PTPRT: variants seen among roughly 807,000 people sequenced by gnomAD.
PTPRT encodes the protein protein tyrosine phosphatase receptor type T.
Under a neutral mutation model 176.8 loss-of-function variants are expected in PTPRT, and 56 were observed. The observed-to-expected ratio is 0.32, with a 90% CI of 0.26 to 0.40. The LOEUF is 0.40. Ranked by LOEUF, PTPRT falls within the 10% of genes least tolerant of loss-of-function variation. PTPRT has a pLI of 1.00. For missense variants in PTPRT, 1,540 were observed against 1,908.2 expected (o/e 0.81, Z 3.60); for synonymous variants, 783 against 739.0 (o/e 1.06, Z -0.96).
the PTPRT span, among the ~76,000 whole-genome samples, chr20:42,042,315 G>A: frequency 1.3e-5 from 2 of 152,196 alleles, no homozygotes; most frequent in East Asian, 1.9e-4. Context: ...AGGCCCAAAC[G>A]ATGGTTTTAT....
chr20:43,086,572 A>G (rs974915127), intron 1 of PTPRT, among the ~76,000 whole-genome samples: 2 of 152,250 alleles, frequency 1.3e-5, no homozygotes, highest in Non-Finnish European at 2.9e-5. Flanking sequence ...GGAGTCATCC[A>G]AGCCACCAAG....
intron 1 of PTPRT, among the ~76,000 whole-genome samples, chr20:42,929,851 G>C (rs550119081): frequency 6.6e-6 from 1 of 152,346 alleles, no homozygotes; most frequent in East Asian, 1.9e-4. Flanking sequence ...AGGATTAGCA[G>C]TTGCCATGAC....
At chr20:42,137,815 T>C (rs1413754649) in intron 18 of PTPRT, among the ~76,000 whole-genome samples, 1 of 152,246 alleles carries the variant, frequency 6.6e-6, no homozygotes, top group Non-Finnish European at 1.5e-5. Flanking sequence ...GTGATTGTGC[T>C]GAAGGTAAAC....
At chr20:42,720,961 T>G (rs1009852204) in intron 6 of PTPRT, among the ~76,000 whole-genome samples, 3 of 152,332 alleles carry the variant, frequency 2.0e-5, no homozygotes, top group Non-Finnish European at 2.9e-5. Flanking sequence ...CCAGATGCTC[T>G]GAGCTCACAG....
chr20:42,813,201 G>T (rs752668580), intron 2 of PTPRT, among the ~76,000 whole-genome samples: 1 of 151,982 alleles, frequency 6.6e-6, no homozygotes, highest in Non-Finnish European at 1.5e-5. Flanking sequence ...TTAATCTCAT[G>T]CTGTCCATTT....
chr20:43,180,271 C>A (rs2015217552), intron 1 of PTPRT, among the ~76,000 whole-genome samples: 1 of 151,134 alleles, frequency 6.6e-6, no homozygotes, highest in South Asian at 2.1e-4. Context: ...TCCTGGGACT[C>A]CAGCTTGCAG....
intron 7 of PTPRT, among the ~76,000 whole-genome samples, chr20:42,589,865 C>G (rs1212533997): frequency 1.3e-5 from 2 of 152,114 alleles, no homozygotes; most frequent in Admixed American, 6.5e-5. Flanking sequence ...AGCACTGTGG[C>G]AGATTATATT....
At chr20:43,072,581 C>A (rs555221728) in intron 1 of PTPRT, among the ~76,000 whole-genome samples, 2 of 152,174 alleles carry the variant, frequency 1.3e-5, no homozygotes, top group Non-Finnish European at 2.9e-5. Context: ...TCATTTCCAA[C>A]CCAGTGCTAG....
At chr20:43,031,748 C>T (rs1478413358) in intron 1 of PTPRT, among the ~76,000 whole-genome samples, 1 of 152,162 alleles carries the variant, frequency 6.6e-6, no homozygotes, top group Admixed American at 6.5e-5. Flanking sequence ...AGGGGCCACA[C>T]CACAGGGAAG....
intron 6 of PTPRT, among the ~76,000 whole-genome samples, chr20:42,703,668 T>C (rs1341127611): frequency 1.3e-5 from 2 of 152,178 alleles, no homozygotes; most frequent in Non-Finnish European, 2.9e-5. Flanking sequence ...TTCCATTTAC[T>C]ACACAGAAAA....
intron 8 of PTPRT, among the ~76,000 whole-genome samples, chr20:42,452,040 G>A (rs1470030786): frequency 6.6e-6 from 1 of 152,160 alleles, no homozygotes; most frequent in Non-Finnish European, 1.5e-5. Context: ...AGAGGCCAAG[G>A]CGGGCAGATC....
chr20:42,487,398 C>G (rs1026300309), intron 7 of PTPRT, among the ~76,000 whole-genome samples: 1 of 152,198 alleles, frequency 6.6e-6, no homozygotes, highest in African/African-American at 2.4e-5. Context: ...CAAATCAAAA[C>G]TCTACAGTAG....
chr20:43,047,049 C>G (rs1301091438), intron 1 of PTPRT, among the ~76,000 whole-genome samples: 1 of 152,154 alleles, frequency 6.6e-6, no homozygotes, highest in Non-Finnish European at 1.5e-5. Context: ...ACGCCAGTTT[C>G]TTTTCAATAC....
At chr20:42,182,622 A>G (rs747220582) in intron 16 of PTPRT, among the ~76,000 whole-genome samples, 3 of 152,190 alleles carry the variant, frequency 2.0e-5, no homozygotes, top group Non-Finnish European at 4.4e-5. Context: ...TCCTGAAGAT[A>G]AAAGGTTTCA....
At chr20:43,162,439 C>G (rs1025424525) in intron 1 of PTPRT, among the ~76,000 whole-genome samples, 3 of 152,182 alleles carry the variant, frequency 2.0e-5, no homozygotes, top group African/African-American at 7.2e-5. Context: ...CTCAGTGGAA[C>G]CAGCATCTGA....
chr20:42,744,517 T>G (rs1774599561), intron 6 of PTPRT, among the ~76,000 whole-genome samples: 1 of 152,230 alleles, frequency 6.6e-6, no homozygotes, highest in African/African-American at 2.4e-5. Flanking sequence ...GCTAGAAAGT[T>G]TTCATTCAAG....
intron 19 of PTPRT, among the ~76,000 whole-genome samples, chr20:42,122,253 T>C (rs1350663504): frequency 2.0e-5 from 3 of 152,244 alleles, no homozygotes; most frequent in Non-Finnish European, 4.4e-5. Context: ...ACAGTTACTA[T>C]GTGCCAGGCA....
chr20:43,130,638 C>T (rs2013616257), intron 1 of PTPRT, among the ~76,000 whole-genome samples: 1 of 151,664 alleles, frequency 6.6e-6, no homozygotes. Flanking sequence ...CATGAAGATA[C>T]CCTGCAGGTA....
At chr20:43,185,894 T>G (rs1278166402) in intron 1 of PTPRT, among the ~76,000 whole-genome samples, 1 of 151,674 alleles carries the variant, frequency 6.6e-6, no homozygotes, top group African/African-American at 2.4e-5. Context: ...ACTGCACCAC[T>G]GCACTCCAGC....
Sources: allele counts gnomAD v4.1 joint callset (sites outside exome capture counted in the v4.1 genomes callset), GRCh38; gene constraint gnomAD v4.1.1; transcripts MANE v1.5; gene names NCBI Gene and HGNC (gene_info 2026-07-23, HGNC 2026-07-21).